The following CORO2B variants were observed in gnomAD, a reference collection of about 807,000 sequenced individuals.
CORO2B encodes the protein coronin-2B.
In CORO2B, 26 loss-of-function variants were observed where a neutral mutation model predicts 58.8. That is an observed-to-expected ratio of 0.44 (90% CI 0.32 to 0.61). The LOEUF is 0.61. CORO2B is among the 20% of genes least tolerant of loss of function. The probability of loss-of-function intolerance (pLI) is 0.04; values close to 1 mark genes in which losing one functional copy is unlikely to be tolerated. For synonymous variants in CORO2B, 242 were observed against 253.8 expected (o/e 0.95, Z 0.44); for missense variants, 460 against 645.1 (o/e 0.71, Z 3.11).
At chr15:68,689,328 C>T (rs958835301) in intron 2 of CORO2B, among the ~76,000 whole-genome samples, 2 of 151,918 alleles carry the variant, frequency 1.3e-5, no homozygotes, top group South Asian at 2.1e-4. Flanking sequence ...CCTGGACCTC[C>T]GAGAACCCTA....
chr15:68,663,493 C>A (rs754615170), intron 2 of CORO2B, among the ~76,000 whole-genome samples: 1 of 152,178 alleles, frequency 6.6e-6, no homozygotes, highest in Admixed American at 6.5e-5. Flanking sequence ...CGCACACACA[C>A]GCAGAAGAAT....
chr15:68,627,933 G>C (rs1374732272), intron 1 of CORO2B, among the ~76,000 whole-genome samples: 2 of 151,988 alleles, frequency 1.3e-5, no homozygotes, highest in East Asian at 3.9e-4. Flanking sequence ...TGCTGAGGGA[G>C]TTTACTCACT....
intron 1 of CORO2B, among the ~76,000 whole-genome samples, chr15:68,627,250 A>T (rs1191318389): frequency 6.6e-6 from 1 of 152,182 alleles, no homozygotes; most frequent in Non-Finnish European, 1.5e-5. Flanking sequence ...CTGGTCTCGT[A>T]TGAGGGATTC....
At chr15:68,624,203 A>C (rs536543885) in intron 1 of CORO2B, among the ~76,000 whole-genome samples, 8 of 152,172 alleles carry the variant, frequency 5.3e-5, no homozygotes, top group Non-Finnish European at 8.8e-5. Context: ...CCACTCTACC[A>C]ATGTCGGCTA....
chr15:68,703,266 T>C (rs1199620297), intron 3 of CORO2B, among the ~76,000 whole-genome samples: 1 of 149,942 alleles, frequency 6.7e-6, no homozygotes, highest in African/African-American at 2.5e-5. Flanking sequence ...TTCTCCTGCC[T>C]CAGCTTCCCG....
upstream of CORO2B, among the ~76,000 whole-genome samples, chr15:68,575,582 C>CCCCCCCCT (rs1566975519): frequency 1.0e-5 from 1 of 96,738 alleles, no homozygotes; most frequent in Non-Finnish European, 2.5e-5. Context: ...GATCTGCCCC[C>CCCCCCCCT]GCCTCGGCCT....
intron 2 of CORO2B, among the ~76,000 whole-genome samples, chr15:68,668,095 C>T (rs1902255699): frequency 6.6e-6 from 1 of 152,168 alleles, no homozygotes; most frequent in Non-Finnish European, 1.5e-5. Flanking sequence ...GATGAGGAAA[C>T]AGGTATAGCT....
At chr15:68,690,921 CCAAG>C (rs138971128) in intron 2 of CORO2B, among the ~76,000 whole-genome samples, 36,852 of 151,168 alleles carry the variant, frequency 0.24, 4,612 homozygotes, top group African/African-American at 0.28. Flanking sequence ...TCCCAAAGTG[CCAAG>C]TGGGATTACA....
intron 5 of CORO2B, among the ~76,000 whole-genome samples, chr15:68,712,141 C>A (rs1305484211): frequency 6.6e-6 from 1 of 152,140 alleles, no homozygotes; most frequent in Non-Finnish European, 1.5e-5. Context: ...CACTTTTGGT[C>A]TTTGAATCTC....
At chr15:68,654,936 C>A (rs1901757354) in intron 2 of CORO2B, among the ~76,000 whole-genome samples, 1 of 152,294 alleles carries the variant, frequency 6.6e-6, no homozygotes, top group Admixed American at 6.5e-5. Flanking sequence ...GGGGAAGGTA[C>A]CCATAGGCAA....
chr15:68,565,511 A>AT, the CORO2B span, among the ~76,000 whole-genome samples: 2 of 151,006 alleles, frequency 1.3e-5, no homozygotes, highest in South Asian at 2.1e-4. Flanking sequence ...TGCCAATAAC[A>AT]TTTTTTCAAA....
At chr15:68,600,257 C>A (rs1206355692) in intron 1 of CORO2B, among the ~76,000 whole-genome samples, 1 of 152,230 alleles carries the variant, frequency 6.6e-6, no homozygotes, top group Non-Finnish European at 1.5e-5. Flanking sequence ...AAATTGCACT[C>A]CTCCGTGGAG....
intron 3 of CORO2B, among the ~76,000 whole-genome samples, chr15:68,701,730 C>A (rs1358896485): frequency 6.6e-6 from 1 of 151,952 alleles, no homozygotes; most frequent in South Asian, 2.1e-4. Context: ...GTGATCTGCC[C>A]GCCTCGGCCT....
chr15:68,649,181 TATGTCTATA>T (rs137864563), intron 2 of CORO2B, among the ~76,000 whole-genome samples: 4,613 of 152,278 alleles, frequency 0.03, 215 homozygotes, highest in African/African-American at 0.1. Flanking sequence ...CTTTACAGAG[TATGTCTATA>T]TATAGAAATA....
At chr15:68,614,190 G>A (rs142082178) in intron 1 of CORO2B, among the ~76,000 whole-genome samples, 38 of 152,282 alleles carry the variant, frequency 2.5e-4, no homozygotes, top group African/African-American at 9.1e-4. Flanking sequence ...ATCTTAATGT[G>A]TTATCAGGGT....
At chr15:68,574,950 A>T (rs2140545042), upstream of CORO2B, among the ~76,000 whole-genome samples, 1 of 152,344 alleles carries the variant, frequency 6.6e-6, no homozygotes, top group East Asian at 1.9e-4. Flanking sequence ...AGAAGAGACC[A>T]GAACTAATAC....
chr15:68,700,186 G>A (rs1161270223), intron 3 of CORO2B, among the ~76,000 whole-genome samples: 2 of 152,118 alleles, frequency 1.3e-5, no homozygotes, highest in Non-Finnish European at 2.9e-5. Context: ...CACCAGACAC[G>A]ACATCCAGAC....
the CORO2B span, among the ~76,000 whole-genome samples, chr15:68,524,327 T>C: frequency 1.3e-5 from 2 of 152,242 alleles, no homozygotes; most frequent in Non-Finnish European, 1.5e-5. Flanking sequence ...ATGACTCTTG[T>C]AGCTTTTAAA....
the CORO2B span, chr15:68,559,559 C>T: frequency 9.1e-6 from 9 of 985,032 alleles, no homozygotes; most frequent in Non-Finnish European, 1.1e-5. The surrounding 1 kb of genome is among the most constrained non-coding windows in gnomAD (Gnocchi z 4.3). Context: ...CAAGCCGGCC[C>T]GCTGGAAGAG....
Sources: gnomAD v4.1 joint callset for allele counts (sites outside exome capture counted in the v4.1 genomes callset) on GRCh38, gnomAD v4.1.1 for gene constraint, Gnocchi (gnomAD v3.1) non-coding constraint, MANE v1.5 for transcripts, NCBI Gene and HGNC (gene_info 2026-07-23, HGNC 2026-07-21) for gene names.